TGFBR3: variants seen among roughly 807,000 people sequenced by gnomAD.
TGFBR3 encodes transforming growth factor beta receptor 3.
A neutral mutation model predicts 87.9 loss-of-function variants in TGFBR3; 46 were observed. The observed-to-expected ratio is 0.52, with a 90% CI of 0.41 to 0.67. TGFBR3 has a LOEUF of 0.67. TGFBR3 is among the 30% of genes least tolerant of loss of function. TGFBR3 has a pLI of 0.00. For missense variants in TGFBR3, 866 were observed against 1,041.9 expected, an observed-to-expected ratio of 0.83 and a Z score of 2.32; for synonymous variants, 381 against 391.6, an observed-to-expected ratio of 0.97 and a Z score of 0.32.
chr1:91,695,536 C>A (rs750317831), intron 16 of TGFBR3, 136 bp downstream of exon 16: 1 of 818,974 alleles, frequency 1.2e-6, no homozygotes, highest in Non-Finnish European at 2.1e-6. Flanking sequence ...CCAATTTATA[C>A]CAAATATGTA....
chr1:91,727,643 T>C lies in TGFBR3; in HGVS notation c.885+16A>G. On this transcript the variant is annotated intron_variant, in intron 7 of 16. Coordinates refer to ENST00000212355, the MANE Select transcript of TGFBR3 (RefSeq NM_003243.5). Reference sequence around the variant, plus strand: ...ATTTATCTAAACAAAACAAAAGACATGCTCCACCAACTTACAATAATTTTC... The same window carrying C: ...ATTTATCTAAACAAAACAAAAGACACGCTCCACCAACTTACAATAATTTTC... The C allele has an allele frequency of 6.2e-7, 1 of 1,614,038 alleles. No homozygotes were observed. The highest frequency in any genetic ancestry group is 2.2e-5 in the East Asian group (1 of 44,858).
At chr1:91,697,293 G>A (rs1324071555) in intron 15 of TGFBR3, among the ~76,000 whole-genome samples, 2 of 152,150 alleles carry the variant, frequency 1.3e-5, no homozygotes, top group Non-Finnish European at 2.9e-5. Flanking sequence ...ATCCACTTAA[G>A]ACAATGGTTT....
At chr1:91,723,190 T>C (rs1056644945) in intron 7 of TGFBR3, among the ~76,000 whole-genome samples, 4 of 152,160 alleles carry the variant, frequency 2.6e-5, no homozygotes, top group African/African-American at 9.7e-5. Flanking sequence ...GTCTTAAGAT[T>C]AGCTTTCAGG....
At chr1:91,894,908 C>T (rs891824013) in intron 2 of TGFBR3, among the ~76,000 whole-genome samples, 20 of 152,092 alleles carry the variant, frequency 1.3e-4, no homozygotes, top group African/African-American at 4.8e-4. Context: ...GTAGCTGGGA[C>T]TACAGGTATG....
At chr1:91,889,418 T>A (rs1679400429), upstream of TGFBR3, among the ~76,000 whole-genome samples, 1 of 152,160 alleles carries the variant, frequency 6.6e-6, no homozygotes, top group Non-Finnish European at 1.5e-5. Context: ...CTTTATAGAC[T>A]GGCAAAATAA....
chr1:91,858,824 A>AG (rs1678066424), intron 2 of TGFBR3, among the ~76,000 whole-genome samples: 1 of 151,702 alleles, frequency 6.6e-6, no homozygotes, highest in African/African-American at 2.4e-5. Flanking sequence ...CAGAGGCTGA[A>AG]GGGGGTGGAT....
intron 16 of TGFBR3, among the ~76,000 whole-genome samples, chr1:91,693,894 C>T (rs1307464284): frequency 1.3e-5 from 2 of 152,226 alleles, no homozygotes; most frequent in Non-Finnish European, 2.9e-5. Flanking sequence ...CTTTAAAATG[C>T]TGCTCTGCTA....
At chr1:91,748,131 G>A (rs547081413) in intron 4 of TGFBR3, among the ~76,000 whole-genome samples, 97 of 152,314 alleles carry the variant, frequency 6.4e-4, no homozygotes, top group African/African-American at 2.2e-3. Context: ...CAAGAATGGA[G>A]GTGAGGCCTC....
At chr1:91,770,312 C>A (rs760302128) in intron 3 of TGFBR3, among the ~76,000 whole-genome samples, 55 of 151,724 alleles carry the variant, frequency 3.6e-4, no homozygotes, top group Non-Finnish European at 6.9e-4. Context: ...TAGACTGATT[C>A]CTACAGATTT....
chr1:91,730,587 T>G (rs1472420509), intron 5 of TGFBR3, among the ~76,000 whole-genome samples: 1 of 152,238 alleles, frequency 6.6e-6, no homozygotes, highest in Non-Finnish European at 1.5e-5. Flanking sequence ...CTTATGTATT[T>G]CATGGTCAGC....
intron 1 of TGFBR3, among the ~76,000 whole-genome samples, chr1:91,900,196 C>A (rs1020164461): frequency 3.9e-5 from 6 of 152,166 alleles, no homozygotes; most frequent in African/African-American, 1.4e-4. Flanking sequence ...CTGACTGCAA[C>A]CTCCACCTCC....
intron 4 of TGFBR3, among the ~76,000 whole-genome samples, chr1:91,754,091 T>C (rs1557693462): frequency 1.3e-5 from 2 of 152,170 alleles, no homozygotes; most frequent in African/African-American, 2.4e-5. Flanking sequence ...CATTAGCATG[T>C]CCCTAATGAC....
chr1:91,714,278 G>A (rs1672084917), intron 12 of TGFBR3, among the ~76,000 whole-genome samples: 1 of 152,084 alleles, frequency 6.6e-6, no homozygotes, highest in Non-Finnish European at 1.5e-5. Flanking sequence ...AGTTCCCAGA[G>A]TGTCAATAAA....
At chr1:91,874,426 G>C (rs1350987830) in intron 1 of TGFBR3, among the ~76,000 whole-genome samples, 4 of 152,172 alleles carry the variant, frequency 2.6e-5, no homozygotes, top group Admixed American at 2.6e-4. Flanking sequence ...GCATAAGAGT[G>C]GTGGGCTGGT....
chr1:91,779,420 A>G (rs1447509123), intron 3 of TGFBR3, among the ~76,000 whole-genome samples: 2 of 152,204 alleles, frequency 1.3e-5, no homozygotes, highest in African/African-American at 4.8e-5. Context: ...ACAGCTCATG[A>G]GCAGTGTAGC....
chr1:91,891,048 C>T (rs1679434675), upstream of TGFBR3, among the ~76,000 whole-genome samples: 1 of 151,896 alleles, frequency 6.6e-6, no homozygotes, highest in South Asian at 2.1e-4. Flanking sequence ...CAGGTGCCTA[C>T]CACCACGCCT....
Position 91,682,650 on chromosome 1 carries a change from C to G in TGFBR3, c.*1089G>C, listed in dbSNP as rs568332656. On this transcript the variant is annotated 3_prime_UTR_variant, in exon 17 of 17. Transcript: ENST00000212355. Reference sequence around the variant, plus strand: ...CCAACTGGAGACCGACAGGATTTGCCATGCATTTGCATCTTGCTACAGTTT... The same window carrying G: ...CCAACTGGAGACCGACAGGATTTGCGATGCATTTGCATCTTGCTACAGTTT... 32 of 453,834 alleles carry G rather than the reference C, an allele frequency of 7.1e-5. 1 individual carries two copies. The highest frequency in any genetic ancestry group is 5.0e-4 in the South Asian group (32 of 64,436). 28.1% of individuals were successfully genotyped at this position (453,834 alleles called of 1,614,324 possible).
At chr1:91,741,945 A>G (rs181092880) in intron 4 of TGFBR3, among the ~76,000 whole-genome samples, 2 of 152,278 alleles carry the variant, frequency 1.3e-5, no homozygotes, top group African/African-American at 2.4e-5. Flanking sequence ...GCATCTTAAC[A>G]TGGCGCATGA....
intron 12 of TGFBR3, among the ~76,000 whole-genome samples, chr1:91,714,792 A>G (rs1672102792): frequency 6.6e-6 from 1 of 152,250 alleles, no homozygotes; most frequent in Non-Finnish European, 1.5e-5. Context: ...GAAAAGCAAG[A>G]GAAAAACAGC....
Sources: gnomAD v4.1 joint callset for allele counts (sites outside exome capture counted in the v4.1 genomes callset) on GRCh38, gnomAD v4.1.1 for gene constraint, MANE v1.5 for transcripts, NCBI Gene and HGNC (gene_info 2026-07-23, HGNC 2026-07-21) for gene names.